The following PIAS1 variants were observed in gnomAD, a reference collection of about 807,000 sequenced individuals.
PIAS1 encodes E3 SUMO-protein ligase PIAS1.
In PIAS1, 6 loss-of-function variants were observed where a neutral mutation model predicts 71.3. The observed-to-expected ratio is 0.08, with a 90% confidence interval of 0.05 to 0.17. PIAS1 has a LOEUF of 0.17. Ranked by LOEUF, PIAS1 falls within the 10% of genes least tolerant of loss-of-function variation. The pLI is 1.00. For synonymous variants in PIAS1, 303 were observed against 292.9 expected (o/e 1.03, Z -0.35); for missense variants, 555 against 793.6 (o/e 0.70, Z 3.61).
intron 1 of PIAS1, among the ~76,000 whole-genome samples, chr15:68,063,958 AACTT>A (rs2091988659): frequency 2.6e-5 from 4 of 152,186 alleles, no homozygotes; most frequent in Admixed American, 1.3e-4. Flanking sequence ...GAAGCAATAA[AACTT>A]ACTAATTTTA....
chr15:68,060,747 A>G (rs2091949299), intron 1 of PIAS1, among the ~76,000 whole-genome samples: 1 of 149,470 alleles, frequency 6.7e-6, no homozygotes, highest in South Asian at 2.1e-4. Context: ...GAGGTAACAT[A>G]GTTTCAAGGA....
chr15:68,144,069 AG>A (rs1300467303), intron 4 of PIAS1, among the ~76,000 whole-genome samples: 10 of 151,738 alleles, frequency 6.6e-5, no homozygotes, highest in Non-Finnish European at 1.5e-4. Flanking sequence ...AGAGATTCCA[AG>A]GGTATCTTGA....
At chr15:68,134,559 G>A (rs2092707491) in intron 2 of PIAS1, among the ~76,000 whole-genome samples, 1 of 48,150 alleles carries the variant, frequency 2.1e-5, no homozygotes, top group Admixed American at 1.7e-4. Flanking sequence ...CTTCCCAGTA[G>A]GGGCGGCCGG....
At chr15:68,114,575 C>A (rs1226136414) in intron 2 of PIAS1, among the ~76,000 whole-genome samples, 1 of 152,048 alleles carries the variant, frequency 6.6e-6, no homozygotes, top group Non-Finnish European at 1.5e-5. Flanking sequence ...CCTAAGACAG[C>A]AAGAAATATT....
At chr15:68,114,659 A>G (rs1474488950) in intron 2 of PIAS1, among the ~76,000 whole-genome samples, 1 of 152,102 alleles carries the variant, frequency 6.6e-6, no homozygotes, top group African/African-American at 2.4e-5. Flanking sequence ...TTTTAGAGCA[A>G]TTGAAAGTAC....
At chr15:68,104,137 G>T (rs1402331296) in intron 2 of PIAS1, among the ~76,000 whole-genome samples, 1 of 152,128 alleles carries the variant, frequency 6.6e-6, no homozygotes, top group Non-Finnish European at 1.5e-5. Context: ...ATCCTAGTGG[G>T]TGTGAAGTGA....
chr15:68,163,981 G>A (rs2092940786), intron 7 of PIAS1, among the ~76,000 whole-genome samples: 1 of 152,162 alleles, frequency 6.6e-6, no homozygotes, highest in African/African-American at 2.4e-5. Flanking sequence ...AGTATAAAGA[G>A]TCTTTCATAT....
At chr15:68,163,771 C>T (rs1459378290) in intron 7 of PIAS1, among the ~76,000 whole-genome samples, 2 of 152,184 alleles carry the variant, frequency 1.3e-5, no homozygotes, top group Non-Finnish European at 2.9e-5. Context: ...TACCACAGCT[C>T]AGAACTTCTG....
rs973141862 is a variant in PIAS1 at position 68,118,829 on chromosome 15, C to T, written c.470-23117C>T. On this transcript the variant is annotated intron_variant, in intron 2 of 13. Transcript: ENST00000249636. ...TGAATTAGAGATTTAAATGTAAGAT[C>T]GGAAACTATGAAAATAGTAGGAAAA... 7.2e-5 allele frequency among the ~76,000 whole-genome samples: 11 copies of T among 152,036 alleles called. No homozygotes were observed. The South Asian group carries it at 1.0e-3, about 14-fold the overall frequency.
chr15:68,063,840 T>C (rs1451006657), intron 1 of PIAS1, among the ~76,000 whole-genome samples: 1 of 152,056 alleles, frequency 6.6e-6, no homozygotes, highest in African/African-American at 2.4e-5. Context: ...GCCAGCACCT[T>C]GGCACAAATT....
chr15:68,115,819 C>A (rs983787354), intron 2 of PIAS1, among the ~76,000 whole-genome samples: 1 of 151,910 alleles, frequency 6.6e-6, no homozygotes, highest in African/African-American at 2.4e-5. Context: ...TTTTTTAGTG[C>A]GTTAATATGG....
chr15:68,075,783 C>CT (rs71287007), intron 1 of PIAS1, among the ~76,000 whole-genome samples: 57,707 of 134,052 alleles, frequency 0.43, 12,609 homozygotes, highest in East Asian at 0.79. Flanking sequence ...ATTCCTAGGG[C>CT]TTTTTTTTTT....
At chr15:68,059,201 G>A (rs1441124311) in intron 1 of PIAS1, among the ~76,000 whole-genome samples, 1 of 151,522 alleles carries the variant, frequency 6.6e-6, no homozygotes, top group African/African-American at 2.4e-5. Flanking sequence ...TAGAGACGGC[G>A]TTTCACCGTG....
intron 2 of PIAS1, among the ~76,000 whole-genome samples, chr15:68,099,064 T>G (rs1232402215): frequency 6.6e-6 from 1 of 152,122 alleles, no homozygotes; most frequent in East Asian, 1.9e-4. Context: ...TCATTCCAAA[T>G]TAACAGCGAA....
chr15:68,149,669 G>A (rs929569912), intron 6 of PIAS1, among the ~76,000 whole-genome samples: 2 of 151,438 alleles, frequency 1.3e-5, no homozygotes, highest in Admixed American at 1.3e-4. Flanking sequence ...ATTTATTGTT[G>A]GTTTACTTAA....
At chr15:68,163,373 C>G (rs1345503125) in intron 7 of PIAS1, among the ~76,000 whole-genome samples, 2 of 152,084 alleles carry the variant, frequency 1.3e-5, no homozygotes, top group Non-Finnish European at 2.9e-5. Context: ...AGGAGACAGC[C>G]TGTGAAATAT....
At chr15:68,066,236 C>T (rs2092024112) in intron 1 of PIAS1, among the ~76,000 whole-genome samples, 1 of 151,942 alleles carries the variant, frequency 6.6e-6, no homozygotes, top group Non-Finnish European at 1.5e-5. Flanking sequence ...TCTTCTGCTT[C>T]AGCCTCCCGA....
At chr15:68,143,424 AAGTTG>A (rs1039280459) in intron 4 of PIAS1, among the ~76,000 whole-genome samples, 1 of 152,098 alleles carries the variant, frequency 6.6e-6, no homozygotes, top group Non-Finnish European at 1.5e-5. Flanking sequence ...TTGAAGTCGA[AAGTTG>A]AGTTGAAGAT....
At chr15:68,056,065 A>T (rs2091892736) in intron 1 of PIAS1, among the ~76,000 whole-genome samples, 1 of 152,218 alleles carries the variant, frequency 6.6e-6, no homozygotes, top group Non-Finnish European at 1.5e-5. Flanking sequence ...ATATTTGGAG[A>T]TAATTAACCC....
Sources: allele counts gnomAD v4.1 joint callset (sites outside exome capture counted in the v4.1 genomes callset), GRCh38; gene constraint gnomAD v4.1.1; transcripts MANE v1.5; gene names NCBI Gene and HGNC (gene_info 2026-07-23, HGNC 2026-07-21).